CD96: variants seen among roughly 807,000 people sequenced by gnomAD.
CD96 encodes T-cell surface protein tactile.
CD96 carries 70 observed loss-of-function variants against 71.3 expected under a neutral mutation model. The observed-to-expected ratio is 0.98, with a 90% CI of 0.81 to 1.20. The LOEUF (loss-of-function observed/expected upper bound fraction) is 1.20, where lower values mean the gene tolerates loss of function less well. Among genes scored for constraint, CD96 ranks in the 50% most tolerant of loss-of-function variants. The pLI, the probability that CD96 is intolerant of heterozygous loss-of-function variation, is 0.00. For missense variants in CD96, 742 were observed against 677.5 expected (o/e 1.10, Z -1.06); for synonymous variants, 248 against 233.0 (o/e 1.06, Z -0.59).
chr3:111,615,548 G>A (rs902890444), intron 8 of CD96, among the ~76,000 whole-genome samples: 4 of 152,182 alleles, frequency 2.6e-5, no homozygotes, highest in Non-Finnish European at 5.9e-5. Flanking sequence ...GTAGGAAATA[G>A]AGTGGCTGAT....
chr3:111,606,275 A>C (rs751896494), intron 7 of CD96, among the ~76,000 whole-genome samples: 25 of 152,182 alleles, frequency 1.6e-4, no homozygotes, highest in Non-Finnish European at 3.2e-4. Flanking sequence ...CTGATATAAA[A>C]ATTTTTGTGA....
intron 8 of CD96, among the ~76,000 whole-genome samples, chr3:111,614,775 C>T (rs1396587183): frequency 6.6e-6 from 1 of 152,212 alleles, no homozygotes; most frequent in Non-Finnish European, 1.5e-5. Flanking sequence ...GCAGCCTCTC[C>T]AGCCTGAGTA....
chr3:111,634,012 A>T (rs2107744215), intron 10 of CD96: 1 of 153,016 alleles, frequency 6.5e-6, no homozygotes, highest in Non-Finnish European at 1.5e-5. Context: ...TTGCATCAAG[A>T]ACCCTGCAAA....
intron 4 of CD96, among the ~76,000 whole-genome samples, chr3:111,581,360 T>G (rs1207058828): frequency 1.3e-5 from 2 of 152,202 alleles, no homozygotes; most frequent in African/African-American, 4.8e-5. Flanking sequence ...TATAAGAACC[T>G]ACTTTACATC....
chr3:111,595,186 C>A (rs1197791701), intron 5 of CD96: 1 of 155,532 alleles, frequency 6.4e-6, no homozygotes, highest in Non-Finnish European at 1.5e-5. Context: ...AAAAACAGCC[C>A]GACTTCTCTC....
chr3:111,606,894 CT>C (rs1248320504), intron 8 of CD96, 102 bp downstream of exon 8: 3 of 779,078 alleles, frequency 3.9e-6, no homozygotes, highest in Non-Finnish European at 7.0e-6. Flanking sequence ...TTAGCTATGA[CT>C]TTTTTGGGGC....
Position 111,579,077 on chromosome 3 carries a change from CA to C in CD96, c.596del (p.Asn199IlefsTer43), listed in dbSNP as rs1936349505. The part of the protein sequence containing the change: ...TLISQNHLIS[N>X]STLLKDRVKL... ...TTATCTCCCAAAATCACCTCATCAG[CA>C]ATTCCACATTACTTAAAGATAGAGT... On this transcript the variant is annotated frameshift_variant, in exon 4 of 14. Transcript: ENST00000352690. LOFTEE classifies it high-confidence loss of function. 1 of 1,609,118 alleles carries C rather than the reference CA, an allele frequency of 6.2e-7. No individual in the cohort carries two copies. The highest frequency in any genetic ancestry group is 8.5e-7 in the Non-Finnish European group (1 of 1,175,364).
intron 10 of CD96, among the ~76,000 whole-genome samples, chr3:111,630,955 A>T (rs1939031115): frequency 1.3e-5 from 2 of 151,912 alleles, no homozygotes; most frequent in Non-Finnish European, 2.9e-5. Context: ...GTAAAATTTA[A>T]CATCTTAAAA....
chr3:111,561,374 C>A lies in CD96; in HGVS notation c.419-6149C>A, dbSNP rs980805228. 6.6e-3 allele frequency among the ~76,000 whole-genome samples: 973 copies of A among 147,256 alleles called. 10 individuals are homozygous for A. Among genetic ancestry groups the A allele is most frequent in the African/African-American group, 0.021 (855 of 40,832 alleles). On this transcript the variant is annotated intron_variant, in intron 2 of 13. Transcript: ENST00000352690. ...TTCGGTCTTTGATGATGGTGATGTA[C>A]AGATGGGTTTTCGGTGTGGATGTCC...
At chr3:111,659,571 G>T (rs973998958) in intron 14 of CD96, among the ~76,000 whole-genome samples, 2 of 152,114 alleles carry the variant, frequency 1.3e-5, no homozygotes, top group Admixed American at 6.6e-5. Context: ...TTCATTAGTT[G>T]CAAGGAATTT....
At chr3:111,563,893 T>A (rs1446854191) in intron 2 of CD96, among the ~76,000 whole-genome samples, 2 of 152,196 alleles carry the variant, frequency 1.3e-5, no homozygotes, top group Admixed American at 6.5e-5. Flanking sequence ...CTCTGAGTTC[T>A]TGTGTAACTC....
chr3:111,655,150 C>T (rs1940199475), downstream of CD96, among the ~76,000 whole-genome samples: 1 of 152,130 alleles, frequency 6.6e-6, no homozygotes, highest in South Asian at 2.1e-4. Flanking sequence ...ATACATAAAG[C>T]CATTGCACTG....
chr3:111,614,689 C>T (rs1938140339), intron 8 of CD96, among the ~76,000 whole-genome samples: 1 of 152,168 alleles, frequency 6.6e-6, no homozygotes, highest in South Asian at 2.1e-4. Context: ...GGGGGAAGTG[C>T]TCCTCTTCAC....
At chr3:111,659,674 T>A (rs1940310477) in intron 14 of CD96, among the ~76,000 whole-genome samples, 1 of 152,188 alleles carries the variant, frequency 6.6e-6, no homozygotes, top group South Asian at 2.1e-4. Flanking sequence ...AAAGTTAACA[T>A]ACCATAATCA....
intron 12 of CD96, among the ~76,000 whole-genome samples, chr3:111,643,056 G>A: frequency 7.6e-6 from 1 of 132,406 alleles, no homozygotes; most frequent in East Asian, 2.2e-4. Context: ...GCTGAACATA[G>A]ATGCCAAAAT....
chr3:111,568,750 T>C (rs910586119), intron 3 of CD96, among the ~76,000 whole-genome samples: 1 of 152,164 alleles, frequency 6.6e-6, no homozygotes, highest in Non-Finnish European at 1.5e-5. Context: ...AAAATCAACA[T>C]GAGGATAATA....
chr3:111,603,962 A>C (rs1418648473), intron 7 of CD96, among the ~76,000 whole-genome samples: 1 of 152,206 alleles, frequency 6.6e-6, no homozygotes, highest in Non-Finnish European at 1.5e-5. Flanking sequence ...ATGCATATAA[A>C]TCACCCAGGG....
rs563650858 is a variant in CD96 at position 111,636,909 on chromosome 3, C to T, written c.1322-287C>T. Among the ~76,000 whole-genome samples the T allele has an allele frequency of 3.3e-5, 5 of 152,148 alleles. No individual in the cohort carries two copies. The East Asian group carries it at 9.6e-4, about 29-fold the overall frequency. ...TGGCTCATCTATGGAATGAGCATGA[C>T]ACACTCTGGCTAGAGGAACCCCTTC... On this transcript the variant is annotated intron_variant, in intron 10 of 13. Coordinates refer to ENST00000352690, the MANE Select transcript of CD96 (RefSeq NM_005816.5).
At chr3:111,633,642 C>T (rs973307012) in intron 10 of CD96, 6 of 152,304 alleles carry the variant, frequency 3.9e-5, no homozygotes, top group South Asian at 4.1e-4. Flanking sequence ...ACTTCCAAAG[C>T]TTGTGAATGT....
Sources: allele counts gnomAD v4.1 joint callset (sites outside exome capture counted in the v4.1 genomes callset), GRCh38; gene constraint gnomAD v4.1.1; transcripts MANE v1.5; gene names NCBI Gene and HGNC (gene_info 2026-07-23, HGNC 2026-07-21).